Variants in ZNF728 observed in about 807,000 individuals in gnomAD.
ZNF728 encodes the protein zinc finger protein 728.
ZNF728 carries 12 observed loss-of-function variants against 12.5 expected under a neutral mutation model. The observed-to-expected ratio is 0.96, with a 90% CI of 0.61 to 1.55. The LOEUF (loss-of-function observed/expected upper bound fraction) is 1.55, where lower values mean the gene tolerates loss of function less well. ZNF728 is among the 40% of genes most tolerant of loss of function. The pLI is 0.00. For missense variants in ZNF728, 692 were observed against 719.2 expected, an observed-to-expected ratio of 0.96 and a Z score of 0.43; for synonymous variants, 205 against 240.7, an observed-to-expected ratio of 0.85 and a Z score of 1.37.
intron 3 of ZNF728, among the ~76,000 whole-genome samples, chr19:22,984,834 A>G (rs182582377): frequency 1.3e-4 from 20 of 152,000 alleles, no homozygotes; most frequent in African/African-American, 4.8e-4. Flanking sequence ...CAATCTTAAA[A>G]TAATAATAAT....
rs375837504 is a variant in ZNF728, at chr19:22,976,938, A to G, written c.399T>C (p.Leu133=). 6.2e-7 allele frequency: 1 copy of G among 1,613,476 alleles called. No homozygotes were observed. The highest frequency in any genetic ancestry group is 1.1e-5 in the South Asian group (1 of 91,050). Residue 133 remains leucine, a synonymous_variant, in exon 4 of 4, where the codon CTT becomes CTC. Coordinates refer to ENST00000594710, the MANE Select transcript of ZNF728 (RefSeq NM_001267716.2). The part of the protein sequence containing the change: ...CKVHKKGYNK[L]NQSLTTTQSK... ...TTTGTGTAGTTGTCAAACTCTGGTT[A>G]AGCTTATTATAACCTTTTTTGTGCA... is the stretch of plus-strand genomic sequence containing the variant.
At chr19:23,000,032 A>G (rs923722445) in intron 1 of ZNF728, among the ~76,000 whole-genome samples, 4 of 152,162 alleles carry the variant, frequency 2.6e-5, no homozygotes, top group African/African-American at 9.7e-5. Flanking sequence ...CTAACATTCT[A>G]AAAGCTAGAT....
intron 3 of ZNF728, among the ~76,000 whole-genome samples, chr19:22,984,544 C>A (rs546853742): frequency 8.4e-6 from 1 of 119,480 alleles, no homozygotes; most frequent in Non-Finnish European, 1.6e-5. Context: ...GGAGATAGAG[C>A]GAGACTCCAT....
At chr19:22,996,660 T>C (rs1969053089) in intron 1 of ZNF728, among the ~76,000 whole-genome samples, 1 of 152,162 alleles carries the variant, frequency 6.6e-6, no homozygotes, top group Admixed American at 6.5e-5. Context: ...GCAATGAATC[T>C]CAGGTCCCAG....
rs1366511295 is a variant in ZNF728, at chr19:22,977,086, T to C, written c.251A>G (p.Asp84Gly). The part of the protein sequence containing the change: ...PPVICSHFAQ[D>G]LWPEQGREDS... ...TTCTCTGCCCTGCTCTGGCCAAAGG[T>C]CTTGAGCAAAATGAGAACATATAAC... Residue 84 changes from aspartate to glycine, a missense_variant, in exon 4 of 4, where the codon GAC (aspartate) becomes GGC (glycine). By Grantham distance (94) the Asp-to-Gly change is moderately conservative. Coordinates refer to ENST00000594710, the MANE Select transcript of ZNF728 (RefSeq NM_001267716.2). 1.3e-6 allele frequency: 2 copies of C among 1,583,900 alleles called. No homozygotes were observed. Among genetic ancestry groups the C allele is most frequent in the African/African-American group, 2.7e-5 (2 of 73,160 alleles).
intron 1 of ZNF728, among the ~76,000 whole-genome samples, chr19:23,002,660 AC>A (rs1434133406): frequency 6.6e-6 from 1 of 152,124 alleles, no homozygotes; most frequent in Non-Finnish European, 1.5e-5. Context: ...GGGGCTGGGA[AC>A]CTCACGGACC....
At position 22,976,946 on chromosome 19, in the gene ZNF728, T is replaced by C. The variant is rs1470885491; in HGVS notation, c.391A>G (p.Asn131Asp). 2.5e-6 allele frequency: 4 copies of C among 1,613,526 alleles called. No homozygotes were observed. Among genetic ancestry groups the C allele is most frequent in the Admixed American group, 1.7e-5 (1 of 59,946 alleles). The change falls in exon 4 of 4, where the codon AAT becomes GAT. Residue 131 changes from asparagine to aspartate, a missense_variant. Asn to Asp is a conservative substitution (Grantham distance 23, BLOSUM62 1). Transcript: ENST00000594710. ...DECKVHKKGY[N>D]KLNQSLTTTQ... ...GTTGTCAAACTCTGGTTAAGCTTAT[T>C]ATAACCTTTTTTGTGCACCTTACAC...
intron 3 of ZNF728, among the ~76,000 whole-genome samples, chr19:22,979,240 G>A (rs1289147774): frequency 6.6e-6 from 1 of 152,042 alleles, no homozygotes; most frequent in Non-Finnish European, 1.5e-5. Flanking sequence ...TAGCTGAATC[G>A]ATAAAGTGGA....
chr19:22,980,202 C>CAAA (rs59991122), intron 3 of ZNF728, among the ~76,000 whole-genome samples: 1 of 114,458 alleles, frequency 8.7e-6, no homozygotes, highest in African/African-American at 3.0e-5. Flanking sequence ...AAAAAAGAAA[C>CAAA]AAAAAAAAAA....
In ZNF728 at chr19:22,975,364, TA is replaced by T; in HGVS notation, c.*103del. On this transcript the variant is annotated 3_prime_UTR_variant, in exon 4 of 4. Transcript: ENST00000594710. ...TGTTTAGTAAGGATTGAGGAACAGTTAAAAAATTTGCCACATTCTTCACATT... is the reference window on the plus strand; with the variant it reads ...TGTTTAGTAAGGATTGAGGAACAGTTAAAAATTTGCCACATTCTTCACATT... The T allele has an allele frequency of 1.9e-6, 2 of 1,074,146 alleles. No homozygotes were observed. Among genetic ancestry groups the T allele is most frequent in the South Asian group, 1.5e-5 (1 of 64,706 alleles). 66.5% of individuals were successfully genotyped at this position (1,074,146 alleles called of 1,614,324 possible).
At chr19:22,994,887 C>A (rs1478755047) in intron 1 of ZNF728, 1 of 152,438 alleles carries the variant, frequency 6.6e-6, no homozygotes, top group African/African-American at 2.4e-5. Context: ...GCCACTGAGG[C>A]ACAGCCCACA....
intron 3 of ZNF728, among the ~76,000 whole-genome samples, chr19:22,986,264 C>T (rs167034): frequency 0.27 from 40,211 of 151,454 alleles, 6,117 homozygotes; most frequent in African/African-American, 0.43. Context: ...CAGCACTTGA[C>T]GTATGTGGAA....
In ZNF728 at chr19:22,976,073, T is replaced by C; in HGVS notation, c.1264A>G (p.Lys422Glu). The change falls in exon 4 of 4, where the codon AAA (lysine) becomes GAA (glutamate). Residue 422 changes from lysine to glutamate, a missense_variant. Lys to Glu is a moderately conservative substitution (Grantham distance 56). Transcript: ENST00000594710. ...CCACATTCTTCACATTTGTAGGGTT[T>C]CTCTCCAGTATGAATTATCTTATGT... ...TKHKIIHTGEKPYKCEECGKA... is the reference protein window; with the variant it reads ...TKHKIIHTGEEPYKCEECGKA... 1 of 1,612,390 alleles carries C rather than the reference T, an allele frequency of 6.2e-7. No homozygotes were observed. The highest frequency in any genetic ancestry group is 8.5e-7 in the Non-Finnish European group (1 of 1,179,512).
In ZNF728 at chr19:22,975,752, T is replaced by C. The variant is rs751878194; in HGVS notation, c.1585A>G (p.Ile529Val). The change falls in exon 4 of 4, where the codon ATT (isoleucine) becomes GTT (valine). Residue 529 changes from isoleucine to valine, a missense_variant. Transcript: ENST00000594710. ...TTGTATTGTTTCTCTCCAGTATGAA[T>C]TACCTTATGTTTAGTAAGGTTTGCA... is the stretch of plus-strand genomic sequence containing the variant. ...KVANLTKHKV[I>V]HTGEKQYKCE... The C allele has an allele frequency of 1.2e-6, 2 of 1,611,996 alleles. No homozygotes were observed. The highest frequency in any genetic ancestry group is 1.6e-4 in the Middle Eastern group (1 of 6,062).
chr19:22,977,077 G>A lies in ZNF728; in HGVS notation c.260C>T (p.Pro87Leu), dbSNP rs1310724734. 6.3e-7 allele frequency: 1 copy of A among 1,594,296 alleles called. No homozygotes were observed. The highest frequency in any genetic ancestry group is 2.2e-5 in the East Asian group (1 of 44,592). The change falls in exon 4 of 4, where the codon CCA (proline) becomes CTA (leucine). Residue 87 changes from proline (P) to leucine (L), a missense_variant. By Grantham distance (98) the Pro-to-Leu change is moderately conservative. Coordinates refer to ENST00000594710, the MANE Select transcript of ZNF728 (RefSeq NM_001267716.2). ...GAAAGAATCTTCTCTGCCCTGCTCT[G>A]GCCAAAGGTCTTGAGCAAAATGAGA... ...ICSHFAQDLW[P>L]EQGREDSFQK...
intron 1 of ZNF728, among the ~76,000 whole-genome samples, chr19:22,999,847 C>T (rs1315415493): frequency 1.3e-5 from 2 of 152,058 alleles, no homozygotes; most frequent in African/African-American, 2.4e-5. Context: ...ATTGAAATAA[C>T]AGGATATAGA....
rs1376623839 is a variant in ZNF728 at position 22,977,030 on chromosome 19, A to G, written c.307T>C (p.Tyr103His). The G allele has an allele frequency of 1.2e-6, 2 of 1,613,260 alleles. No homozygotes were observed. Among genetic ancestry groups the G allele is most frequent in the Non-Finnish European group, 1.7e-6 (2 of 1,179,710 alleles). Residue 103 changes from tyrosine to histidine, a missense_variant, in exon 4 of 4, where the codon TAT (tyrosine) becomes CAT (histidine). Around this residue, in one of 3 missense-constraint regions of ZNF728, gnomAD observed 440 missense variants for 459.6 expected, o/e 0.96. Transcript: ENST00000594710. ...DSFQKVILRR[Y>H]EKCGHENLQL... is the part of the protein sequence containing the mutation. ...AAATTCTCATGTCCACATTTTTCAT[A>G]TCTTCTCAATATCACTTTTTGGAAA...
Position 22,977,072 on chromosome 19 carries a change from G to C in ZNF728, c.265C>G (p.Gln89Glu). ...SHFAQDLWPE[Q>E]GREDSFQKVI... ...TTTTGGAAAGAATCTTCTCTGCCCT[G>C]CTCTGGCCAAAGGTCTTGAGCAAAA... The change falls in exon 4 of 4, where the codon CAG becomes GAG. Residue 89 changes from glutamine to glutamate, a missense_variant. Physicochemically the swap from Gln to Glu is conservative, Grantham distance 29. Coordinates refer to ENST00000594710, the MANE Select transcript of ZNF728 (RefSeq NM_001267716.2). 6.2e-7 allele frequency: 1 copy of C among 1,604,708 alleles called. No individual in the cohort carries two copies. Among genetic ancestry groups the C allele is most frequent in the East Asian group, 2.2e-5 (1 of 44,670 alleles).
rs541726792 is a variant in ZNF728, at chr19:22,976,234, T to C, written c.1103A>G (p.Tyr368Cys). The change falls in exon 4 of 4, where the codon TAC becomes TGC. Residue 368 changes from tyrosine to cysteine, a missense_variant. This residue lies in a region of ZNF728 where 440 missense variants were observed against 459.6 expected (regional missense o/e 0.96). Coordinates refer to ENST00000594710, the MANE Select transcript of ZNF728 (RefSeq NM_001267716.2). ...GGCTTTGCCACATTCTTCACATTTGTAGGGTTTCTCTCCAGTATGAATTAC... is the reference window on the plus strand; with the variant it reads ...GGCTTTGCCACATTCTTCACATTTGCAGGGTTTCTCTCCAGTATGAATTAC... The part of the protein sequence containing the change: ...HKVIHTGEKP[Y>C]KCEECGKAFS... 47 of 1,613,392 alleles carry C rather than the reference T, an allele frequency of 2.9e-5. No homozygotes were observed. In the East Asian group the frequency reaches 8.0e-4, roughly 28 times the overall value.
Sources: allele counts gnomAD v4.1 joint callset (sites outside exome capture counted in the v4.1 genomes callset), GRCh38; gene constraint gnomAD v4.1.1; regional missense constraint gnomAD v4.1.1; transcripts MANE v1.5; gene names NCBI Gene and HGNC (gene_info 2026-07-23, HGNC 2026-07-21).